Variants in GPHN observed in about 807,000 individuals in gnomAD.
GPHN encodes gephyrin.
In GPHN, 17 loss-of-function variants were observed where a neutral mutation model predicts 95.5. The observed-to-expected ratio is 0.18, with a 90% confidence interval of 0.12 to 0.27. The LOEUF is 0.27. GPHN is among the 10% of genes least tolerant of loss of function. The pLI is 1.00. For missense variants in GPHN, 660 were observed against 978.1 expected, an observed-to-expected ratio of 0.67 and a Z score of 4.34; for synonymous variants, 320 against 322.5, an observed-to-expected ratio of 0.99 and a Z score of 0.08.
intron 8 of GPHN, among the ~76,000 whole-genome samples, chr14:66,933,901 G>A (rs148985964): frequency 6.6e-6 from 1 of 152,186 alleles, no homozygotes; most frequent in African/African-American, 2.4e-5. Context: ...CACTTTGGGA[G>A]GCTGAGGTGG....
the GPHN span, chr14:67,199,349 G>T: frequency 4.3e-6 from 7 of 1,614,052 alleles, no homozygotes; most frequent in Non-Finnish European, 5.9e-6. Flanking sequence ...CAAAAACCTG[G>T]ATGTAGGGGC....
intron 1 of GPHN, among the ~76,000 whole-genome samples, chr14:66,646,662 G>T (rs1479621548): frequency 2.6e-5 from 4 of 152,100 alleles, no homozygotes; most frequent in Admixed American, 1.3e-4. Context: ...CCACTTACAT[G>T]AGATATTTAT....
chr14:67,645,411 ATC>A, the GPHN span, among the ~76,000 whole-genome samples: 1 of 152,186 alleles, frequency 6.6e-6, no homozygotes, highest in East Asian at 1.9e-4. Flanking sequence ...CAGCAGTGAC[ATC>A]TGTCACACTG....
intron 1 of GPHN, among the ~76,000 whole-genome samples, chr14:66,542,501 T>G (rs2140078116): frequency 6.6e-6 from 1 of 152,316 alleles, no homozygotes; most frequent in South Asian, 2.1e-4. Flanking sequence ...CCTATCTTTC[T>G]ACCCATTATT....
At chr14:67,217,893 T>C in the GPHN span, among the ~76,000 whole-genome samples, 1 of 152,196 alleles carries the variant, frequency 6.6e-6, no homozygotes, top group Non-Finnish European at 1.5e-5. Flanking sequence ...GTGCATCTAA[T>C]GGAAAAAATG....
chr14:66,743,842 G>A (rs4255725), intron 2 of GPHN, among the ~76,000 whole-genome samples: 4,668 of 152,196 alleles, frequency 0.031, 105 homozygotes, highest in Non-Finnish European at 0.044. Context: ...TATTACCTTG[G>A]CAAAATGAAA....
intron 1 of GPHN, among the ~76,000 whole-genome samples, chr14:66,584,233 A>C (rs1214266628): frequency 1.3e-5 from 2 of 152,038 alleles, no homozygotes. Flanking sequence ...TTGCACATTG[A>C]GTTTGTATCC....
At chr14:66,699,741 G>T (rs1388671108) in intron 2 of GPHN, among the ~76,000 whole-genome samples, 1 of 152,110 alleles carries the variant, frequency 6.6e-6, no homozygotes, top group Non-Finnish European at 1.5e-5. Flanking sequence ...GATGGAATTA[G>T]AGAGAGAAAG....
At chr14:67,187,466 ACACTGC>A in the GPHN span, among the ~76,000 whole-genome samples, 2 of 152,096 alleles carry the variant, frequency 1.3e-5, no homozygotes, top group Admixed American at 1.3e-4. Context: ...CTTTCCATTG[ACACTGC>A]CACTGCCACT....
chr14:66,615,347 A>G (rs1397783148), intron 1 of GPHN, among the ~76,000 whole-genome samples: 4 of 151,790 alleles, frequency 2.6e-5, no homozygotes, highest in Non-Finnish European at 5.9e-5. Flanking sequence ...AAGCGTTCCT[A>G]TTTCTCCACA....
At chr14:67,427,925 CTT>C in the GPHN span, among the ~76,000 whole-genome samples, 10 of 142,234 alleles carry the variant, frequency 7.0e-5, no homozygotes, top group East Asian at 2.1e-4. Context: ...CGACAATGCC[CTT>C]TTTTTTTTTT....
chr14:67,311,241 A>G, the GPHN span, among the ~76,000 whole-genome samples: 2 of 143,272 alleles, frequency 1.4e-5, no homozygotes, highest in African/African-American at 2.6e-5. Flanking sequence ...AACCCGGGAG[A>G]TGGAGTTTGC....
chr14:66,516,041 C>G (rs1306168330), intron 1 of GPHN, among the ~76,000 whole-genome samples: 2 of 150,964 alleles, frequency 1.3e-5, no homozygotes, highest in Non-Finnish European at 2.9e-5. Context: ...CGGACTCACT[C>G]TGTCGCCCAG....
the GPHN span, among the ~76,000 whole-genome samples, chr14:67,465,100 C>T: frequency 6.6e-6 from 1 of 152,214 alleles, no homozygotes; most frequent in African/African-American, 2.4e-5. Flanking sequence ...AAGTCAGCTG[C>T]GTTGACAACA....
chr14:66,924,163 A>G (rs369062570), intron 7 of GPHN, 31 bp from the exon 8 acceptor site: 9 of 1,156,678 alleles, frequency 7.8e-6, no homozygotes, highest in African/African-American at 3.0e-5. Context: ...TCCTGTCACT[A>G]TATTCATAGT....
At chr14:67,657,586 ACG>A in the GPHN span, among the ~76,000 whole-genome samples, 3 of 142,976 alleles carry the variant, frequency 2.1e-5, no homozygotes, top group East Asian at 4.0e-4. Context: ...TGTTCAAAGC[ACG>A]CGCGCGCGTG....
chr14:66,798,236 TGAG>T (rs1207243843), intron 3 of GPHN, among the ~76,000 whole-genome samples: 1 of 151,982 alleles, frequency 6.6e-6, no homozygotes, highest in Non-Finnish European at 1.5e-5. Context: ...AATATTTCAT[TGAG>T]GAGTTTTGCA....
intron 2 of GPHN, among the ~76,000 whole-genome samples, chr14:66,735,666 G>C (rs2072195995): frequency 6.6e-6 from 1 of 152,086 alleles, no homozygotes; most frequent in Non-Finnish European, 1.5e-5. Context: ...ACCTTGAACT[G>C]AGAAAGTTTG....
At chr14:67,029,475 T>C (rs1349139056) in intron 10 of GPHN, among the ~76,000 whole-genome samples, 1 of 152,050 alleles carries the variant, frequency 6.6e-6, no homozygotes, top group African/African-American at 2.4e-5. Flanking sequence ...GTAGCTGGGA[T>C]TACAGGCATG....
Sources: allele counts gnomAD v4.1 joint callset (sites outside exome capture counted in the v4.1 genomes callset), GRCh38; gene constraint gnomAD v4.1.1; transcripts MANE v1.5; gene names NCBI Gene and HGNC (gene_info 2026-07-23, HGNC 2026-07-21).